GRIN2B: variants seen among roughly 807,000 people sequenced by gnomAD.
The protein encoded by GRIN2B is glutamate ionotropic receptor NMDA type subunit 2B.
GRIN2B carries 5 observed loss-of-function variants against 114.5 expected under a neutral mutation model. That is an observed-to-expected ratio of 0.04 (90% CI 0.02 to 0.09). GRIN2B has a LOEUF of 0.09. GRIN2B is among the 10% of genes least tolerant of loss of function. GRIN2B has a pLI of 1.00. For missense variants in GRIN2B, 1,108 were observed against 1,943.5 expected (o/e 0.57, Z 8.08); for synonymous variants, 787 against 745.1 (o/e 1.06, Z -0.92).
rs375940899 is a variant in GRIN2B at position 13,825,496 on chromosome 12, T to TTTTTTTTG, written c.411+40301_411+40302insCAAAAAAA. Reference sequence around the variant, plus strand: ...TATATATAATAAATATATATATATTTTGTGTGTGTGTGTGTGTGTGTGTGT... The same window carrying TTTTTTTTG: ...TATATATAATAAATATATATATATTTTTTTTTTGTGTGTGTGTGTGTGTGTGTGTGTGT... On this transcript the variant is annotated intron_variant, in intron 3 of 13. Transcript: ENST00000609686. Among the ~76,000 whole-genome samples the TTTTTTTTG allele has an allele frequency of 2.1e-4, 26 of 122,970 alleles. No homozygotes were observed. In the South Asian group the frequency reaches 4.8e-3, roughly 23 times the overall value. 80.7% of individuals were successfully genotyped at this position (122,970 alleles called of 152,430 possible).
At chr12:13,591,384 G>A (rs1051194133) in intron 10 of GRIN2B, among the ~76,000 whole-genome samples, 50 of 152,326 alleles carry the variant, frequency 3.3e-4, no homozygotes, top group Non-Finnish European at 1.0e-4. Context: ...AATATTTATT[G>A]AGGATTTAGC....
At chr12:13,673,667 T>C (rs1160473635) in intron 5 of GRIN2B, among the ~76,000 whole-genome samples, 1 of 152,010 alleles carries the variant, frequency 6.6e-6, no homozygotes, top group South Asian at 2.1e-4. Context: ...CCCTAGGAAG[T>C]AGGGTCTAGT....
chr12:13,783,696 T>C (rs554698710), intron 3 of GRIN2B, among the ~76,000 whole-genome samples: 2 of 152,122 alleles, frequency 1.3e-5, no homozygotes, highest in Non-Finnish European at 2.9e-5. Flanking sequence ...GTATGTTTCA[T>C]TGTAATGAAG....
intron 4 of GRIN2B, among the ~76,000 whole-genome samples, chr12:13,712,806 T>A (rs950980765): frequency 2.6e-5 from 4 of 151,938 alleles, no homozygotes; most frequent in African/African-American, 9.7e-5. Flanking sequence ...TAAGTTAATA[T>A]GGTCAATATC....
At position 13,567,143 on chromosome 12, in the gene GRIN2B, G is replaced by C; in HGVS notation, c.2480C>G (p.Ala827Gly). 1.2e-6 allele frequency: 2 copies of C among 1,613,764 alleles called. No individual in the cohort carries two copies. The highest frequency in any genetic ancestry group is 1.7e-6 in the Non-Finnish European group (2 of 1,179,676). The change falls in exon 13 of 14, where the codon GCG becomes GGG. Residue 827 changes from alanine (A) to glycine (G), a missense_variant. Ala to Gly is a moderately conservative substitution (Grantham distance 60). Around this residue, in one of 19 missense-constraint regions of GRIN2B, gnomAD observed 35 missense variants for 194.7 expected, o/e 0.18. Transcript: ENST00000609686. Reference protein sequence around the residue: ...NMAGVFYMLGAAMALSLITFI... With the variant: ...NMAGVFYMLGGAMALSLITFI... Reference sequence around the variant, plus strand: ...GGTGATGAGGCTGAGAGCCATGGCCGCCCCCAACATGTAGAAGACCCCTGC... The same window carrying C: ...GGTGATGAGGCTGAGAGCCATGGCCCCCCCCAACATGTAGAAGACCCCTGC...
Position 13,562,629 on chromosome 12 carries a change from G to C in GRIN2B, c.*154C>G. 2.8e-6 allele frequency: 2 copies of C among 708,666 alleles called. No individual in the cohort carries two copies. The highest frequency in any genetic ancestry group is 3.3e-5 in the South Asian group (2 of 60,750). The allele number at this position is 708,666 out of a possible 1,614,324, so 43.9% of individuals were successfully genotyped here. On this transcript the variant is annotated 3_prime_UTR_variant, in exon 14 of 14. Coordinates refer to ENST00000609686, the MANE Select transcript of GRIN2B (RefSeq NM_000834.5). ...GTGCTGGTCACCAGGGTTGCCCCCA[G>C]TAGGAACCAGAACTCCAGGATCCCA... is the stretch of plus-strand genomic sequence containing the variant.
At chr12:13,980,824 G>T (rs1055941673) in intron 1 of GRIN2B, among the ~76,000 whole-genome samples, 3 of 152,110 alleles carry the variant, frequency 2.0e-5, no homozygotes, top group Admixed American at 2.0e-4. Flanking sequence ...CTCCCACCCC[G>T]GGCTTGTGCT....
Position 13,563,579 on chromosome 12 carries a change from G to A in GRIN2B, c.3659C>T (p.Ser1220Phe). Residue 1220 changes from serine (S) to phenylalanine (F), a missense_variant, in exon 14 of 14, where the codon TCC (serine) becomes TTC (phenylalanine). By Grantham distance (155) the Ser-to-Phe change is radical. Around this residue, in one of 19 missense-constraint regions of GRIN2B, gnomAD observed 478 missense variants for 506.0 expected, o/e 0.94. Coordinates refer to ENST00000609686, the MANE Select transcript of GRIN2B (RefSeq NM_000834.5). ...SGGNFCRSCPSKLHNYSTTVT... is the reference protein window; with the variant it reads ...SGGNFCRSCPFKLHNYSTTVT... ...CGTCGTGGAGTAGTTGTGCAGCTTGGAGGGACAGCTGCGGCAGAAGTTGCC... is the reference window on the plus strand; with the variant it reads ...CGTCGTGGAGTAGTTGTGCAGCTTGAAGGGACAGCTGCGGCAGAAGTTGCC... 1.2e-6 allele frequency: 2 copies of A among 1,614,116 alleles called. No homozygotes were observed. Among genetic ancestry groups the A allele is most frequent in the Non-Finnish European group, 1.7e-6 (2 of 1,180,014 alleles).
At chr12:13,947,834 T>G (rs1867388864) in intron 2 of GRIN2B, among the ~76,000 whole-genome samples, 1 of 152,080 alleles carries the variant, frequency 6.6e-6, no homozygotes, top group Non-Finnish European at 1.5e-5. Flanking sequence ...GAGGCATGAG[T>G]TGTTCTCCAA....
intron 2 of GRIN2B, among the ~76,000 whole-genome samples, chr12:13,905,768 A>T (rs1325741711): frequency 2.0e-5 from 3 of 152,158 alleles, no homozygotes; most frequent in Non-Finnish European, 4.4e-5. Flanking sequence ...ATAGCTTACA[A>T]GTATTCTGAC....
intron 3 of GRIN2B, among the ~76,000 whole-genome samples, chr12:13,849,127 C>T (rs1865516172): frequency 6.6e-6 from 1 of 152,134 alleles, no homozygotes; most frequent in African/African-American, 2.4e-5. Flanking sequence ...GTATCAGCCT[C>T]TTCTGATACA....
chr12:13,741,708 C>T (rs1863290713), intron 4 of GRIN2B, among the ~76,000 whole-genome samples: 1 of 152,098 alleles, frequency 6.6e-6, no homozygotes, highest in African/African-American at 2.4e-5. Context: ...GTGCATGCCA[C>T]CATGCCTGGC....
chr12:13,717,063 A>ACG (rs1323744843), intron 4 of GRIN2B, among the ~76,000 whole-genome samples: 122 of 75,186 alleles, frequency 1.6e-3, no homozygotes, highest in East Asian at 0.012. Context: ...ATCATGCCAT[A>ACG]CGCGTGTGTG....
At chr12:13,891,526 T>C (rs1045215480) in intron 2 of GRIN2B, among the ~76,000 whole-genome samples, 1 of 152,230 alleles carries the variant, frequency 6.6e-6, no homozygotes, top group African/African-American at 2.4e-5. Context: ...ATTTTATTCT[T>C]AACCTCATGG....
In GRIN2B at chr12:13,542,409, G is replaced by A. The variant is rs1948289569; in HGVS notation, c.*20374C>T. On this transcript the variant is annotated 3_prime_UTR_variant, in exon 14 of 14. Transcript: ENST00000609686. The stretch of plus-strand genomic sequence containing the variant: ...TAGTCAAAATGTGGTCTCAATCCAG[G>A]ATAACATTTGTTGACATCTATAAAA... 6.6e-6 allele frequency: 1 copy of A among 152,128 alleles called. No homozygotes were observed. The highest frequency in any genetic ancestry group is 2.1e-4 in the South Asian group (1 of 4,818). The allele number at this position is 152,128 out of a possible 1,614,324, so 9.4% of individuals were successfully genotyped here.
intron 2 of GRIN2B, among the ~76,000 whole-genome samples, chr12:13,959,658 G>C (rs1867655676): frequency 1.3e-5 from 2 of 152,138 alleles, no homozygotes; most frequent in African/African-American, 2.4e-5. Flanking sequence ...GTGGAAACTG[G>C]TGCCAGGACA....
chr12:13,804,626 C>T (rs973623423), intron 3 of GRIN2B, among the ~76,000 whole-genome samples: 36 of 152,258 alleles, frequency 2.4e-4, no homozygotes, highest in African/African-American at 7.9e-4. Context: ...TGTGCTTTCT[C>T]TGGTCACACT....
At chr12:13,807,305 T>C (rs138375103) in intron 3 of GRIN2B, among the ~76,000 whole-genome samples, 264 of 152,318 alleles carry the variant, frequency 1.7e-3, no homozygotes, top group Non-Finnish European at 2.9e-3. Context: ...ATTTCAGGAC[T>C]GTGAGTAGTC....
chr12:13,795,645 C>T (rs942963074), intron 3 of GRIN2B, among the ~76,000 whole-genome samples: 3 of 152,120 alleles, frequency 2.0e-5, no homozygotes, highest in African/African-American at 4.8e-5. Context: ...ATGTTTATTG[C>T]AGCACTGTTC....
Sources: allele counts gnomAD v4.1 joint callset (sites outside exome capture counted in the v4.1 genomes callset), GRCh38; gene constraint gnomAD v4.1.1; regional missense constraint gnomAD v4.1.1; transcripts MANE v1.5; gene names NCBI Gene and HGNC (gene_info 2026-07-23, HGNC 2026-07-21).